The following DLC1 variants were observed in gnomAD, a reference collection of about 807,000 sequenced individuals.
DLC1 encodes the protein DLC1 Rho GTPase activating protein, also known as rho GTPase-activating protein 7.
A neutral mutation model predicts 140.3 loss-of-function variants in DLC1; 54 were observed. That is an observed-to-expected ratio of 0.38 (90% CI 0.31 to 0.48). DLC1 has a LOEUF of 0.48. Ranked by LOEUF, DLC1 falls within the 20% of genes least tolerant of loss-of-function variation. The pLI, the probability that DLC1 is intolerant of heterozygous loss-of-function variation, is 0.96. For missense variants in DLC1, 2,536 were observed against 1,907.0 expected (o/e 1.33, Z -6.14); for synonymous variants, 986 against 728.1 (o/e 1.35, Z -5.70).
chr8:13,342,798 C>G (rs1388513869), intron 4 of DLC1: 1 of 151,828 alleles, frequency 6.6e-6, no homozygotes. Context: ...CTGTTTCTCT[C>G]TCTCTCGCTT....
At chr8:13,485,637 C>T (rs751503663) in intron 2 of DLC1, among the ~76,000 whole-genome samples, 3 of 152,152 alleles carry the variant, frequency 2.0e-5, no homozygotes, top group Non-Finnish European at 4.4e-5. Flanking sequence ...AATGGAAAGA[C>T]GTATGTGAAA....
intron 1 of DLC1, among the ~76,000 whole-genome samples, chr8:13,509,761 G>C (rs1406107746): frequency 6.6e-6 from 1 of 152,048 alleles, no homozygotes; most frequent in East Asian, 1.9e-4. Flanking sequence ...CATACTGGTG[G>C]GCAGGAATTG....
chr8:13,493,890 T>C (rs1801378496), intron 2 of DLC1, among the ~76,000 whole-genome samples: 1 of 152,162 alleles, frequency 6.6e-6, no homozygotes, highest in African/African-American at 2.4e-5. Context: ...ATTTCAGGTA[T>C]GGGAGTCCTT....
chr8:13,485,214 C>A (rs1158498581), intron 2 of DLC1, among the ~76,000 whole-genome samples: 1 of 152,124 alleles, frequency 6.6e-6, no homozygotes, highest in Non-Finnish European at 1.5e-5. Flanking sequence ...TAGAGACTGA[C>A]TTTTATTTTT....
chr8:13,263,827 CA>C (rs1830568266), intron 5 of DLC1, among the ~76,000 whole-genome samples: 3 of 150,998 alleles, frequency 2.0e-5, no homozygotes, highest in African/African-American at 7.3e-5. Flanking sequence ...GAACTTTGGC[CA>C]TATAAGATGT....
intron 1 of DLC1, among the ~76,000 whole-genome samples, chr8:13,581,431 A>G (rs1007757910): frequency 5.9e-5 from 9 of 152,256 alleles, no homozygotes; most frequent in African/African-American, 1.7e-4. Context: ...ACTAATATCT[A>G]TCCATTCATT....
intron 2 of DLC1, among the ~76,000 whole-genome samples, chr8:13,495,154 T>C (rs917873882): frequency 6.6e-6 from 1 of 152,244 alleles, no homozygotes; most frequent in Non-Finnish European, 1.5e-5. Context: ...AATAAACATA[T>C]GTTCAGACAT....
At chr8:13,463,097 A>G in intron 2 of DLC1, among the ~76,000 whole-genome samples, 1 of 151,888 alleles carries the variant, frequency 6.6e-6, no homozygotes, top group East Asian at 1.9e-4. Flanking sequence ...AAACAAGCAA[A>G]GGTAGTTTAT....
intron 2 of DLC1, among the ~76,000 whole-genome samples, chr8:13,470,957 T>C (rs1800178663): frequency 6.6e-6 from 1 of 152,196 alleles, no homozygotes; most frequent in African/African-American, 2.4e-5. Context: ...TGGAATATTA[T>C]TTAGCCAAAA....
At chr8:13,324,996 G>A (rs1192556513) in intron 4 of DLC1, among the ~76,000 whole-genome samples, 1 of 152,188 alleles carries the variant, frequency 6.6e-6, no homozygotes, top group African/African-American at 2.4e-5. Flanking sequence ...AACACTGAAT[G>A]CTAAAATACG....
At chr8:13,575,068 C>G (rs1040253366) in intron 1 of DLC1, among the ~76,000 whole-genome samples, 7 of 152,162 alleles carry the variant, frequency 4.6e-5, no homozygotes, top group Non-Finnish European at 8.8e-5. Context: ...AATTTCTGTT[C>G]TTAGTTGATA....
chr8:13,352,278 C>A (rs553419065), intron 4 of DLC1, among the ~76,000 whole-genome samples: 1 of 152,246 alleles, frequency 6.6e-6, no homozygotes, highest in Non-Finnish European at 1.5e-5. Flanking sequence ...GCAAAAGCAA[C>A]AGGAAGTAAA....
chr8:13,209,236 C>T lies in DLC1; in HGVS notation c.1349-93579G>A, dbSNP rs903886624. Among the ~76,000 whole-genome samples, 12 of 152,176 alleles carry T rather than the reference C, an allele frequency of 7.9e-5. 1 individual carries two copies. In the East Asian group the frequency reaches 2.3e-3, roughly 29 times the overall value. On this transcript the variant is annotated intron_variant, in intron 5 of 17. Transcript: ENST00000276297. ...GTCTGTGACTATCAACCTATGTATC[C>T]TTATAAATCTATAGATAGATATCTA...
At chr8:13,277,659 G>A (rs995190009) in intron 5 of DLC1, among the ~76,000 whole-genome samples, 2 of 152,116 alleles carry the variant, frequency 1.3e-5, no homozygotes, top group African/African-American at 4.8e-5. Flanking sequence ...AAATTTGGCA[G>A]ATTTTTTGCC....
chr8:13,142,971 C>T (rs1823116394), intron 5 of DLC1, among the ~76,000 whole-genome samples: 1 of 150,942 alleles, frequency 6.6e-6, no homozygotes, highest in South Asian at 2.1e-4. Flanking sequence ...ATCACTTGAA[C>T]ACCAGAGGTT....
At chr8:13,470,067 C>T (rs1199490441) in intron 2 of DLC1, among the ~76,000 whole-genome samples, 1 of 152,114 alleles carries the variant, frequency 6.6e-6, no homozygotes, top group Non-Finnish European at 1.5e-5. Flanking sequence ...ACCCATTCAA[C>T]CTTATTTTTT....
chr8:13,276,474 C>T (rs929649074), intron 5 of DLC1: 2 of 1,336,398 alleles, frequency 1.5e-6, no homozygotes, highest in African/African-American at 3.1e-5. Flanking sequence ...GCTGTGCTCC[C>T]GGCCGCAGGC....
chr8:13,337,054 T>A (rs1330977903), intron 4 of DLC1, among the ~76,000 whole-genome samples: 3 of 152,058 alleles, frequency 2.0e-5, no homozygotes, highest in Non-Finnish European at 4.4e-5. Flanking sequence ...CTTCCTGGGG[T>A]GAAAATAGAA....
intron 1 of DLC1, among the ~76,000 whole-genome samples, chr8:13,533,415 A>C (rs979729): frequency 2.0e-5 from 3 of 151,940 alleles, no homozygotes; most frequent in Non-Finnish European, 4.4e-5. Context: ...AGGCAAAATA[A>C]CTTATTTGGA....
Sources: allele counts gnomAD v4.1 joint callset (sites outside exome capture counted in the v4.1 genomes callset), GRCh38; gene constraint gnomAD v4.1.1; transcripts MANE v1.5; gene names NCBI Gene and HGNC (gene_info 2026-07-23, HGNC 2026-07-21).